Variants in KIF26A observed in about 807,000 individuals in gnomAD.
The protein encoded by KIF26A is kinesin family member 26A, also known as kinesin-like protein KIF26A.
In KIF26A, 74 loss-of-function variants were observed where a neutral mutation model predicts 126.0. The ratio of observed to expected loss-of-function variants is 0.59; its 90% confidence interval spans 0.49 to 0.71. The LOEUF is 0.71. Ranked by LOEUF, KIF26A falls within the 30% of genes least tolerant of loss-of-function variation. The pLI is 0.00. For synonymous variants in KIF26A, 1,445 were observed against 1,232.7 expected, an observed-to-expected ratio of 1.17 and a Z score of -3.61; for missense variants, 2,984 against 2,763.3, an observed-to-expected ratio of 1.08 and a Z score of -1.79.
intron 4 of KIF26A, among the ~76,000 whole-genome samples, chr14:104,163,572 G>T (rs2037851954): frequency 6.7e-6 from 1 of 149,416 alleles, no homozygotes; most frequent in African/African-American, 2.4e-5. Flanking sequence ...ACACAGGCCC[G>T]GGCCCCACGA....
chr14:104,174,024 G>C, intron 10 of KIF26A, 124 bp from the exon 11 acceptor site: 2 of 1,401,900 alleles, frequency 1.4e-6, no homozygotes, highest in African/African-American at 1.5e-5. Context: ...GCTGCCTGGG[G>C]CCCCACGCTG....
chr14:104,172,918 T>G, intron 7 of KIF26A, 59 bp from the exon 8 acceptor site: 1 of 1,491,710 alleles, frequency 6.7e-7, no homozygotes, highest in Non-Finnish European at 8.9e-7. Flanking sequence ...GGGACGCCAG[T>G]AGCCATAAAG....
intron 2 of KIF26A, among the ~76,000 whole-genome samples, chr14:104,142,157 C>T (rs1416607699): frequency 6.6e-6 from 1 of 152,128 alleles, no homozygotes; most frequent in Admixed American, 6.5e-5. Context: ...AGACTGTGCC[C>T]TCCCCACCTT....
In KIF26A at chr14:104,171,827, C is replaced by A. The variant is rs1398662608; in HGVS notation, c.1218C>A (p.Tyr406Ter). Reference protein sequence around the residue: ...VDPRKKQVILYDPAAGPPGSA... With the variant: ...VDPRKKQVIL ...CTCGGAAGAAGCAGGTGATCCTCTA[C>A]GATCCCGCCGCCGGTCCCCCAGGCA... Residue 406 changes from tyrosine to a stop codon, truncating the protein, a stop_gained, in exon 6 of 15, where the codon TAC (tyrosine) becomes TAA (stop). Coordinates refer to ENST00000423312, the MANE Select transcript of KIF26A (RefSeq NM_015656.2). LOFTEE classifies it high-confidence loss of function. The A allele has an allele frequency of 6.4e-7, 1 of 1,559,008 alleles. No individual in the cohort carries two copies. Among genetic ancestry groups the A allele is most frequent in the African/African-American group, 1.4e-5 (1 of 73,548 alleles).
chr14:104,152,584 G>A lies in KIF26A; in HGVS notation c.735+123G>A. The A allele has an allele frequency of 1.1e-6, 1 of 891,414 alleles. No homozygotes were observed. Among genetic ancestry groups the A allele is most frequent in the Non-Finnish European group, 1.7e-6 (1 of 605,888 alleles). 55.2% of individuals were successfully genotyped at this position (891,414 alleles called of 1,614,324 possible). A position where few individuals can be genotyped will look rare whatever the true frequency, so the allele number is the denominator to read the frequency against. ...GCTTCCCTGAAGGGAGGGGACGGCG[G>A]GCATGGGGGTTCCTGACACTCCTGA... On this transcript the variant is annotated intron_variant, in intron 3 of 14. Coordinates refer to ENST00000423312, the MANE Select transcript of KIF26A (RefSeq NM_015656.2). The surrounding 1 kb of genome is among the most constrained non-coding windows in gnomAD (Gnocchi z 5.9).
intron 3 of KIF26A, among the ~76,000 whole-genome samples, chr14:104,157,379 G>A (rs1416330303): frequency 2.6e-5 from 4 of 152,302 alleles, no homozygotes; most frequent in South Asian, 2.1e-4. Flanking sequence ...AGGGTGGGGG[G>A]TCTGTGTCCA....
In KIF26A at chr14:104,173,221, C is replaced by T; in HGVS notation, c.1665C>T (p.Asp555=). The T allele has an allele frequency of 6.2e-7, 1 of 1,609,460 alleles. No homozygotes were observed. Among genetic ancestry groups the T allele is most frequent in the Non-Finnish European group, 8.5e-7 (1 of 1,177,578 alleles). The part of the protein sequence containing the change: ...TQSPGVYLRE[D]PVCGAQLQNQ... ...CTCCGGGAGTGTACCTGCGGGAGGA[C>T]CCCGTGTGTGGGGCGCAGGTGCGCC... is the stretch of plus-strand genomic sequence containing the variant. The change falls in exon 8 of 15, where the codon GAC becomes GAT. Residue 555 remains aspartate (D), a synonymous_variant. Transcript: ENST00000423312.
At position 104,180,566 on chromosome 14, in the gene KIF26A, A is replaced by C. The variant is rs1313907664; in HGVS notation, c.*776A>C. On this transcript the variant is annotated 3_prime_UTR_variant, in exon 15 of 15. Transcript: ENST00000423312. ...ATATTTTTATATCATTTTGCCCATA[A>C]ATGCGGAATTTGCCGTGGGAATTTG... 6.5e-6 allele frequency: 1 copy of C among 152,812 alleles called. No individual in the cohort carries two copies. Among genetic ancestry groups the C allele is most frequent in the Non-Finnish European group, 1.5e-5 (1 of 68,204 alleles). The allele number at this position is 152,812 out of a possible 1,614,324, so 9.5% of individuals were successfully genotyped here.
rs1272604978 is a variant in KIF26A, at chr14:104,176,095, G to A, written c.3307G>A (p.Gly1103Ser). Residue 1103 changes from glycine to serine, a missense_variant, in exon 12 of 15, where the codon GGC becomes AGC. Transcript: ENST00000423312. Reference protein sequence around the residue: ...GGPLEGAAWAGSSHGSSISSW... With the variant: ...GGPLEGAAWASSSHGSSISSW... ...GCCCCTGGAGGGGGCAGCCTGGGCC[G>A]GCAGCAGTCACGGCTCCTCCATCAG... 1.3e-6 allele frequency: 2 copies of A among 1,587,170 alleles called. No individual in the cohort carries two copies. The highest frequency in any genetic ancestry group is 1.3e-5 in the African/African-American group (1 of 74,406).
Position 104,175,426 on chromosome 14 carries a change from C to T in KIF26A, c.2638C>T (p.Pro880Ser). 1.3e-6 allele frequency: 2 copies of T among 1,592,842 alleles called. No homozygotes were observed. Among genetic ancestry groups the T allele is most frequent in the Non-Finnish European group, 1.7e-6 (2 of 1,176,230 alleles). Reference sequence around the variant, plus strand: ...CGCCCGAGGGGGCCGGAAGCCCTCGCCACCAGAGGCTGCATCCCCCAGGAA... The same window carrying T: ...CGCCCGAGGGGGCCGGAAGCCCTCGTCACCAGAGGCTGCATCCCCCAGGAA... ...SPARGGRKPS[P>S]PEAASPRKAV... Residue 880 changes from proline to serine, a missense_variant, in exon 12 of 15, where the codon CCA (proline) becomes TCA (serine). Pro to Ser is a moderately conservative substitution (Grantham distance 74). Transcript: ENST00000423312.
intron 2 of KIF26A, among the ~76,000 whole-genome samples, chr14:104,147,414 C>T (rs1224481579): frequency 9.2e-5 from 14 of 152,186 alleles, no homozygotes; most frequent in Admixed American, 9.2e-4. Flanking sequence ...CGCTCCCTCC[C>T]CTCCCAGCAG....
At position 104,138,645 on chromosome 14, in the gene KIF26A, C is replaced by T. The variant is rs2037606680; in HGVS notation, c.-78C>T. The T allele has an allele frequency of 8.7e-7, 1 of 1,152,812 alleles. No individual in the cohort carries two copies. Among genetic ancestry groups the T allele is most frequent in the African/African-American group, 1.6e-5 (1 of 61,196 alleles). The allele number at this position is 1,152,812 out of a possible 1,614,324, so 71.4% of individuals were successfully genotyped here. A position where few individuals can be genotyped will look rare whatever the true frequency, so the allele number is the denominator to read the frequency against. On this transcript the variant is annotated 5_prime_UTR_variant, in exon 1 of 15. Transcript: ENST00000423312. ...GCCGGGCCATGGGGGCGCCTCGGGG[C>T]CGGATCACGTAGCCGCGGCGCCCCC...
intron 3 of KIF26A, 45 bp from the exon 4 acceptor site, chr14:104,157,710 T>TG: frequency 6.4e-7 from 1 of 1,573,272 alleles, no homozygotes; most frequent in Non-Finnish European, 8.6e-7. Flanking sequence ...GGCAGTGGTG[T>TG]CTCTGCCCTT....
chr14:104,166,780 C>G, intron 4 of KIF26A, 79 bp from the exon 5 acceptor site: 2 of 1,334,010 alleles, frequency 1.5e-6, no homozygotes, highest in Non-Finnish European at 2.0e-6. Flanking sequence ...AGGGTGGGAT[C>G]GCCTGGTGAC....
At chr14:104,141,119 C>T (rs1159064822) in intron 2 of KIF26A, among the ~76,000 whole-genome samples, 1 of 152,206 alleles carries the variant, frequency 6.6e-6, no homozygotes. Flanking sequence ...AAAATTGCAG[C>T]CTGCAGCCCT....
At chr14:104,150,207 CCT>C (rs1170821404) in intron 2 of KIF26A, among the ~76,000 whole-genome samples, 2 of 126,228 alleles carry the variant, frequency 1.6e-5, no homozygotes, top group African/African-American at 2.9e-5. Context: ...TCCCCCACCC[CCT>C]CCTCCTCCTC....
At chr14:104,165,611 C>G (rs181204609) in intron 4 of KIF26A, among the ~76,000 whole-genome samples, 11 of 134,714 alleles carry the variant, frequency 8.2e-5, no homozygotes, top group Non-Finnish European at 1.5e-4. Flanking sequence ...GTGTGTGTCT[C>G]TGTCTCTGTA....
intron 10 of KIF26A, 35 bp from the exon 11 acceptor site, chr14:104,174,113 C>G: frequency 6.6e-7 from 1 of 1,514,694 alleles, no homozygotes; most frequent in Non-Finnish European, 8.9e-7. Flanking sequence ...GCTCCCTTCC[C>G]AAGGCCTTGG....
chr14:104,164,703 G>A (rs1339187681), intron 4 of KIF26A, among the ~76,000 whole-genome samples: 1 of 142,194 alleles, frequency 7.0e-6, no homozygotes, highest in East Asian at 1.9e-4. Flanking sequence ...CTCTGTGTGT[G>A]TATGTGTGTG....
Sources: gnomAD v4.1 joint callset for allele counts (sites outside exome capture counted in the v4.1 genomes callset) on GRCh38, gnomAD v4.1.1 for gene constraint, Gnocchi (gnomAD v3.1) non-coding constraint, MANE v1.5 for transcripts, NCBI Gene and HGNC (gene_info 2026-07-23, HGNC 2026-07-21) for gene names.